Variants in SLA2 observed in about 807,000 individuals in gnomAD.
The protein encoded by SLA2 is Src like adaptor 2.
A neutral mutation model predicts 27.3 loss-of-function variants in SLA2; 22 were observed. The observed-to-expected ratio is 0.81, with a 90% confidence interval of 0.58 to 1.15. The LOEUF is 1.15. Among genes scored for constraint, SLA2 ranks in the 50% most tolerant of loss-of-function variants. SLA2 has a pLI of 0.00. For synonymous variants in SLA2, 131 were observed against 137.8 expected, an observed-to-expected ratio of 0.95 and a Z score of 0.34; for missense variants, 304 against 322.2, an observed-to-expected ratio of 0.94 and a Z score of 0.43.
At chr20:36,621,198 C>T (rs1001197322) in intron 5 of SLA2, 5 of 475,628 alleles carry the variant, frequency 1.1e-5, no homozygotes, top group South Asian at 1.7e-5. Context: ...GATATGGTGG[C>T]GGTGGCGGAG....
chr20:36,645,121 C>T (rs1309006888), intron 1 of SLA2, among the ~76,000 whole-genome samples: 1 of 151,896 alleles, frequency 6.6e-6, no homozygotes, highest in Non-Finnish European at 1.5e-5. Context: ...AGGAGGATTG[C>T]TTGAGGCCAG....
At chr20:36,617,584 G>C (rs1218402908) in intron 5 of SLA2, among the ~76,000 whole-genome samples, 1 of 151,626 alleles carries the variant, frequency 6.6e-6, no homozygotes, top group African/African-American at 2.4e-5. Context: ...TGGGCCGGGC[G>C]CGGTGGCTCA....
chr20:36,614,075 T>TTCAC, intron 7 of SLA2, 89 bp from the exon 8 acceptor site: 1 of 1,561,766 alleles, frequency 6.4e-7, no homozygotes, highest in East Asian at 2.3e-5. Flanking sequence ...CTCAAAACCC[T>TTCAC]TCACTCCTGC....
chr20:36,645,377 AT>A (rs1310253736), intron 1 of SLA2, among the ~76,000 whole-genome samples: 1 of 152,000 alleles, frequency 6.6e-6, no homozygotes, highest in African/African-American at 2.4e-5. Flanking sequence ...AAAAAAAAAA[AT>A]GAATTTGGAT....
Position 36,612,409 on chromosome 20 carries a change from G to A in SLA2, c.*1457C>T. 1 of 635,392 alleles carries A rather than the reference G, an allele frequency of 1.6e-6. No individual in the cohort carries two copies. The highest frequency in any genetic ancestry group is 2.7e-6 in the Non-Finnish European group (1 of 365,572). The allele number at this position is 635,392 out of a possible 1,614,324, so 39.4% of individuals were successfully genotyped here. ...TCCTCGATTCTCCATCGGGTGTAGAGTTTTTAAACTATCAATGGCATTTCA... is the reference window on the plus strand; with the variant it reads ...TCCTCGATTCTCCATCGGGTGTAGAATTTTTAAACTATCAATGGCATTTCA... On this transcript the variant is annotated 3_prime_UTR_variant, in exon 8 of 8. Coordinates refer to ENST00000262866, the MANE Select transcript of SLA2 (RefSeq NM_032214.4).
rs1461824717 is a variant in SLA2 at position 36,614,334 on chromosome 20, C to T, written c.636G>A (p.Arg212=). The T allele has an allele frequency of 1.2e-6, 2 of 1,614,210 alleles. No homozygotes were observed. Among genetic ancestry groups the T allele is most frequent in the Non-Finnish European group, 1.7e-6 (2 of 1,180,034 alleles). The change falls in exon 7 of 8, where the codon AGG becomes AGA. Residue 212 remains arginine, a synonymous_variant. Transcript: ENST00000262866. ...CCAGCTCTTTCCAGTTGAGTGGTGT[C>T]CTCTGCACAGTCACAGGTAGGGGTA... The part of the protein sequence containing the change: ...KDIPLPVTVQ[R]TPLNWKELDS...
Position 36,612,757 on chromosome 20 carries a change from C to CTT in SLA2, c.*1107_*1108dup, listed in dbSNP as rs2039154642. 5.3e-6 allele frequency: 1 copy of CTT among 189,612 alleles called. No homozygotes were observed. The highest frequency in any genetic ancestry group is 1.2e-4 in the East Asian group (1 of 8,064). The allele number at this position is 189,612 out of a possible 1,614,324, so 11.7% of individuals were successfully genotyped here. A position where few individuals can be genotyped will look rare whatever the true frequency, so the allele number is the denominator to read the frequency against. ...ATTTGGTGTAGGCTGTGGTCTCCGT[C>CTT]TTGGCATTGTGGAGAGAGGGCTTAG... On this transcript the variant is annotated 3_prime_UTR_variant, in exon 8 of 8. Coordinates refer to ENST00000262866, the MANE Select transcript of SLA2 (RefSeq NM_032214.4).
intron 1 of SLA2, among the ~76,000 whole-genome samples, chr20:36,644,863 A>G (rs983631796): frequency 7.9e-6 from 1 of 125,988 alleles, no homozygotes; most frequent in Admixed American, 1.0e-4. Flanking sequence ...TGCCCAGAAT[A>G]TTGTGTTTTT....
chr20:36,615,080 G>T, intron 6 of SLA2, 145 bp downstream of exon 6: 1 of 1,464,844 alleles, frequency 6.8e-7, no homozygotes, highest in Non-Finnish European at 9.0e-7. Flanking sequence ...GCATTTCTTG[G>T]CATAGGGACT....
At chr20:36,625,630 G>A (rs1282456978) in intron 5 of SLA2, among the ~76,000 whole-genome samples, 19 of 151,740 alleles carry the variant, frequency 1.3e-4, no homozygotes, top group Admixed American at 5.3e-4. Flanking sequence ...CCAGGAGTTC[G>A]AGACCAGCCT....
intron 5 of SLA2, among the ~76,000 whole-genome samples, chr20:36,630,317 CCCAAGGGCA>C (rs1427938442): frequency 6.6e-6 from 1 of 152,146 alleles, no homozygotes; most frequent in Non-Finnish European, 1.5e-5. Context: ...CCCAAGAACG[CCCAAGGGCA>C]GGAGAGGAGA....
At chr20:36,615,423 G>A (rs2039198315) in intron 5 of SLA2, 49 bp from the exon 6 acceptor site, 6 of 1,608,254 alleles carry the variant, frequency 3.7e-6, no homozygotes, top group South Asian at 1.1e-5. Context: ...GCTGGGACTC[G>A]GCCCCACCTA....
At chr20:36,620,181 G>T (rs1007609653) in intron 5 of SLA2, among the ~76,000 whole-genome samples, 2 of 151,340 alleles carry the variant, frequency 1.3e-5, no homozygotes, top group African/African-American at 4.9e-5. Flanking sequence ...ACGAGGTCAG[G>T]AGTTCAAGAC....
chr20:36,619,220 GAAAAAAAAAAAA>G lies in SLA2; in HGVS notation c.383-3858_383-3847del, dbSNP rs60021707. 4.2e-5 allele frequency among the ~76,000 whole-genome samples: 3 copies of G among 71,296 alleles called. No homozygotes were observed. In the East Asian group the frequency reaches 1.5e-3, roughly 35 times the overall value. The allele number at this position is 71,296 out of a possible 152,430, so 46.8% of individuals were successfully genotyped here. On this transcript the variant is annotated intron_variant, in intron 5 of 7. Transcript: ENST00000262866. ...TGGGCAATGGAGTGAGACTCTGGGG[GAAAAAAAAAAAA>G]AAAAAAAAAAAGGCTGGGTGCGGTG...
chr20:36,612,399 C>T lies in SLA2; in HGVS notation c.*1467G>A, dbSNP rs1208829433. 7.6e-6 allele frequency: 5 copies of T among 654,870 alleles called. No individual in the cohort carries two copies. Among genetic ancestry groups the T allele is most frequent in the Non-Finnish European group, 1.3e-5 (5 of 378,726 alleles). 40.6% of individuals were successfully genotyped at this position (654,870 alleles called of 1,614,324 possible). ...TAAATTGTCTTCCTCGATTCTCCAT[C>T]GGGTGTAGAGTTTTTAAACTATCAA... On this transcript the variant is annotated 3_prime_UTR_variant, in exon 8 of 8. Coordinates refer to ENST00000262866, the MANE Select transcript of SLA2 (RefSeq NM_032214.4).
Position 36,613,860 on chromosome 20 carries a change from T to G in SLA2, c.*6A>C. On this transcript the variant is annotated 3_prime_UTR_variant, in exon 8 of 8. Transcript: ENST00000262866. Reference sequence around the variant, plus strand: ...CTTGGTTTCCCTTTTGGCCTCTCCTTTGGGCCTAGGCATCATCCAAAGAGA... The same window carrying G: ...CTTGGTTTCCCTTTTGGCCTCTCCTGTGGGCCTAGGCATCATCCAAAGAGA... 6.3e-7 allele frequency: 1 copy of G among 1,591,796 alleles called. No homozygotes were observed.
intron 5 of SLA2, among the ~76,000 whole-genome samples, chr20:36,623,655 AT>A (rs930292371): frequency 2.0e-5 from 3 of 147,692 alleles, no homozygotes; most frequent in Non-Finnish European, 3.0e-5. Flanking sequence ...TTGTACCTTT[AT>A]TTTTTTTTTC....
chr20:36,641,007 G>C (rs114628719), intron 2 of SLA2, among the ~76,000 whole-genome samples: 130 of 152,302 alleles, frequency 8.5e-4, no homozygotes, highest in African/African-American at 3.1e-3. Flanking sequence ...ATTCTGGTTA[G>C]TGCCTGTTGC....
intron 1 of SLA2, among the ~76,000 whole-genome samples, chr20:36,642,402 C>T (rs1230794032): frequency 6.6e-6 from 1 of 150,922 alleles, no homozygotes; most frequent in Non-Finnish European, 1.5e-5. Flanking sequence ...AGTTCATCAG[C>T]GGCCTCTCCT....
Sources: allele counts gnomAD v4.1 joint callset (sites outside exome capture counted in the v4.1 genomes callset), GRCh38; gene constraint gnomAD v4.1.1; transcripts MANE v1.5; gene names NCBI Gene and HGNC (gene_info 2026-07-23, HGNC 2026-07-21).